The following TMEM108 variants were observed in gnomAD, a reference collection of about 807,000 sequenced individuals.
TMEM108 encodes cancer/testis antigen 124.
TMEM108 carries 12 observed loss-of-function variants against 35.1 expected under a neutral mutation model. The observed-to-expected ratio is 0.34, with a 90% CI of 0.22 to 0.55. The LOEUF is 0.55. Ranked by LOEUF, TMEM108 falls within the 20% of genes least tolerant of loss-of-function variation. TMEM108 has a pLI of 0.89. For synonymous variants in TMEM108, 287 were observed against 308.6 expected, an observed-to-expected ratio of 0.93 and a Z score of 0.73; for missense variants, 680 against 753.3, an observed-to-expected ratio of 0.90 and a Z score of 1.14.
At chr3:133,055,587 C>A (rs1576294512) in intron 2 of TMEM108, among the ~76,000 whole-genome samples, 1 of 152,310 alleles carries the variant, frequency 6.6e-6, no homozygotes, top group East Asian at 1.9e-4. Flanking sequence ...CCCTGAGGGC[C>A]TAGGACTGAA....
At chr3:133,331,004 G>A (rs11926865) in intron 3 of TMEM108, among the ~76,000 whole-genome samples, 6,507 of 152,184 alleles carry the variant, frequency 0.043, 471 homozygotes, top group African/African-American at 0.15. Context: ...GGAGGGACGG[G>A]GATGGGGATT....
At chr3:133,332,980 C>T (rs1009055976) in intron 3 of TMEM108, among the ~76,000 whole-genome samples, 9 of 152,168 alleles carry the variant, frequency 5.9e-5, no homozygotes, top group African/African-American at 1.9e-4. Context: ...ACCCCATCTG[C>T]GGCCAGAGTG....
chr3:133,083,365 C>A (rs373241161), intron 2 of TMEM108, among the ~76,000 whole-genome samples: 26 of 152,266 alleles, frequency 1.7e-4, no homozygotes, highest in South Asian at 8.3e-4. Flanking sequence ...TGGATTGAGA[C>A]AGATGAGAGA....
At chr3:133,138,522 G>A (rs1475183340) in intron 2 of TMEM108, among the ~76,000 whole-genome samples, 4 of 151,728 alleles carry the variant, frequency 2.6e-5, no homozygotes, top group African/African-American at 7.3e-5. Context: ...TTTTTTCTAA[G>A]CTCATCAGCT....
intron 3 of TMEM108, among the ~76,000 whole-genome samples, chr3:133,233,394 A>G (rs1020017254): frequency 4.9e-4 from 74 of 152,158 alleles, no homozygotes; most frequent in Non-Finnish European, 8.8e-4. Context: ...GCTGCATAGT[A>G]TTCCATGGTG....
intron 3 of TMEM108, among the ~76,000 whole-genome samples, chr3:133,230,758 A>T (rs1173324476): frequency 6.6e-6 from 1 of 152,200 alleles, no homozygotes; most frequent in African/African-American, 2.4e-5. Context: ...CAAAGTTTGC[A>T]TAATATTTTA....
intron 3 of TMEM108, among the ~76,000 whole-genome samples, chr3:133,314,758 A>G (rs1313681422): frequency 6.6e-6 from 1 of 152,228 alleles, no homozygotes; most frequent in African/African-American, 2.4e-5. Flanking sequence ...TGGGACAAGA[A>G]CAGACAGCAT....
At chr3:133,115,611 C>T (rs1286824349) in intron 2 of TMEM108, among the ~76,000 whole-genome samples, 1 of 152,220 alleles carries the variant, frequency 6.6e-6, no homozygotes, top group Non-Finnish European at 1.5e-5. Context: ...GTTAGCCATG[C>T]CTCTCTCACT....
At chr3:133,049,663 G>C (rs376928756) in intron 2 of TMEM108, among the ~76,000 whole-genome samples, 7 of 152,158 alleles carry the variant, frequency 4.6e-5, no homozygotes, top group East Asian at 1.9e-4. Context: ...AATCAAATCC[G>C]CAGCCTCTGA....
intron 5 of TMEM108, among the ~76,000 whole-genome samples, chr3:133,394,979 G>T (rs1436623665): frequency 6.6e-6 from 1 of 152,230 alleles, no homozygotes; most frequent in Non-Finnish European, 1.5e-5. Flanking sequence ...GACATTAGCT[G>T]TTTTAATTGG....
At chr3:133,202,473 G>A (rs1180309192) in intron 2 of TMEM108, among the ~76,000 whole-genome samples, 5 of 152,052 alleles carry the variant, frequency 3.3e-5, no homozygotes, top group East Asian at 1.9e-4. Context: ...TTTTGTATAC[G>A]GTGTAAGGAA....
chr3:133,064,420 C>T (rs192583629), intron 2 of TMEM108, among the ~76,000 whole-genome samples: 50 of 152,214 alleles, frequency 3.3e-4, no homozygotes, highest in African/African-American at 1.2e-3. Flanking sequence ...TATCTTTATT[C>T]TTTATGTCAC....
In TMEM108 at chr3:133,150,068, T is replaced by G. The variant is rs116251775; in HGVS notation, c.-46-79198T>G. ...GTTTTTTGAGGGAATATCCATACTGTTTTCCACAGTGGTTATACCAATTTA... is the reference window on the plus strand; with the variant it reads ...GTTTTTTGAGGGAATATCCATACTGGTTTCCACAGTGGTTATACCAATTTA... On this transcript the variant is annotated intron_variant, in intron 2 of 5. Coordinates refer to ENST00000321871, the MANE Select transcript of TMEM108 (RefSeq NM_023943.4). Among the ~76,000 whole-genome samples the G allele has an allele frequency of 8.1e-3, 1,229 of 152,266 alleles. 16 individuals are homozygous for G. The highest frequency in any genetic ancestry group is 0.028 in the African/African-American group (1,144 of 41,554).
intron 1 of TMEM108, among the ~76,000 whole-genome samples, chr3:133,038,786 C>G (rs1943237853): frequency 6.6e-6 from 1 of 152,088 alleles, no homozygotes; most frequent in African/African-American, 2.4e-5. Flanking sequence ...GGGCTGGGGC[C>G]GAGGAGGAGG....
chr3:133,258,175 C>G (rs1946574476), intron 3 of TMEM108, among the ~76,000 whole-genome samples: 1 of 152,150 alleles, frequency 6.6e-6, no homozygotes, highest in Admixed American at 6.5e-5. Context: ...GGAGCTTTCT[C>G]ACCCCTTCCT....
intron 2 of TMEM108, among the ~76,000 whole-genome samples, chr3:133,117,595 A>T (rs1944303056): frequency 6.6e-6 from 1 of 152,146 alleles, no homozygotes; most frequent in African/African-American, 2.4e-5. Context: ...TCCTCATGAT[A>T]GCCTTCTCAA....
chr3:133,365,179 G>C (rs540707994), intron 3 of TMEM108, among the ~76,000 whole-genome samples: 1 of 152,334 alleles, frequency 6.6e-6, no homozygotes, highest in East Asian at 1.9e-4. Flanking sequence ...GAACCTCATT[G>C]TTGTGGGTTG....
intron 2 of TMEM108, among the ~76,000 whole-genome samples, chr3:133,172,743 A>T (rs1945148537): frequency 6.6e-6 from 1 of 152,206 alleles, no homozygotes; most frequent in Non-Finnish European, 1.5e-5. Flanking sequence ...ATCTATTACC[A>T]ATTGATATGG....
chr3:133,195,821 G>A (rs536153043), intron 2 of TMEM108, among the ~76,000 whole-genome samples: 1 of 152,322 alleles, frequency 6.6e-6, no homozygotes, highest in African/African-American at 2.4e-5. Context: ...ATCTGAAGTG[G>A]AGCTTTGAAC....
Sources: gnomAD v4.1 joint callset for allele counts (sites outside exome capture counted in the v4.1 genomes callset) on GRCh38, gnomAD v4.1.1 for gene constraint, MANE v1.5 for transcripts, NCBI Gene and HGNC (gene_info 2026-07-23, HGNC 2026-07-21) for gene names.